The following CCDC33 variants were observed in gnomAD, a reference collection of about 807,000 sequenced individuals.
The protein encoded by CCDC33 is coiled-coil domain containing 33, also known as coiled-coil domain-containing protein 33.
Under a neutral mutation model 91.9 loss-of-function variants are expected in CCDC33, and 94 were observed. The ratio of observed to expected loss-of-function variants is 1.02; its 90% CI spans 0.87 to 1.21. The LOEUF (loss-of-function observed/expected upper bound fraction) is 1.21, where lower values mean the gene tolerates loss of function less well. Ranked by LOEUF, CCDC33 falls within the 50% of genes most tolerant of loss-of-function variation. The pLI, the probability that CCDC33 is intolerant of heterozygous loss-of-function variation, is 0.00. For synonymous variants in CCDC33, 396 were observed against 374.5 expected (o/e 1.06, Z -0.66); for missense variants, 940 against 935.5 (o/e 1.00, Z -0.06).
At position 74,268,476 on chromosome 15, in the gene CCDC33, C is replaced by G; in HGVS notation, c.546+18C>G. 1 of 1,396,458 alleles carries G rather than the reference C, an allele frequency of 7.2e-7. No individual in the cohort carries two copies. The allele number at this position is 1,396,458 out of a possible 1,614,324, so 86.5% of individuals were successfully genotyped here. Reference sequence around the variant, plus strand: ...CTCTGGAGGTACCAGGGCTGGGGCCCTCTGGGGTGGTGGTGGGGGTGGGAA... The same window carrying G: ...CTCTGGAGGTACCAGGGCTGGGGCCGTCTGGGGTGGTGGTGGGGGTGGGAA... On this transcript the variant is annotated intron_variant, in intron 5 of 18. Coordinates refer to ENST00000398814, the MANE Select transcript of CCDC33 (RefSeq NM_025055.5).
At chr15:74,208,607 G>C (rs1343819709) in intron 1 of CCDC33, among the ~76,000 whole-genome samples, 1 of 152,094 alleles carries the variant, frequency 6.6e-6, no homozygotes, top group Non-Finnish European at 1.5e-5. Context: ...TAGCCCCCCA[G>C]TGTCCCCTGA....
Position 74,280,763 on chromosome 15 carries a change from G to A in CCDC33, c.985G>A (p.Gly329Ser). 1 of 1,569,476 alleles carries A rather than the reference G, an allele frequency of 6.4e-7. No homozygotes were observed. Among genetic ancestry groups the A allele is most frequent in the Non-Finnish European group, 8.6e-7 (1 of 1,157,448 alleles). The change falls in exon 9 of 19, where the codon GGC becomes AGC. Residue 329 changes from glycine (G) to serine (S), a missense_variant. Transcript: ENST00000398814. ...GTACCAGAAGATGCTGACAGGGAAA[G>A]GCTTGGACGGGCTTCACGTGGAGCG... ...RLYQKMLTGKGLDGLHVERLP... is the reference protein window; with the variant it reads ...RLYQKMLTGKSLDGLHVERLP...
Position 74,242,738 on chromosome 15 carries a change from G to A in CCDC33, c.22-1247G>A, listed in dbSNP as rs536714261. On this transcript the variant is annotated intron_variant, in intron 1 of 18. Transcript: ENST00000398814. Reference sequence around the variant, plus strand: ...CCAGTGGAGGACCAGGGCCAGGGAGGACAAGGACACCCCTGAGCCACAGCA... The same window carrying A: ...CCAGTGGAGGACCAGGGCCAGGGAGAACAAGGACACCCCTGAGCCACAGCA... Among the ~76,000 whole-genome samples, 7 of 152,024 alleles carry A rather than the reference G, an allele frequency of 4.6e-5. No homozygotes were observed. The South Asian group carries it at 1.5e-3, about 32-fold the overall frequency.
intron 2 of CCDC33, among the ~76,000 whole-genome samples, chr15:74,257,631 C>A (rs939777276): frequency 6.6e-6 from 1 of 152,234 alleles, no homozygotes; most frequent in African/African-American, 2.4e-5. Flanking sequence ...CCAACCCATG[C>A]TCCGAAGTCA....
chr15:74,242,408 G>A (rs765945593), intron 1 of CCDC33, among the ~76,000 whole-genome samples: 29 of 152,198 alleles, frequency 1.9e-4, no homozygotes, highest in Non-Finnish European at 3.4e-4. Context: ...TCCTGTCTGG[G>A]CCTCAATTTC....
intron 14 of CCDC33, 40 bp downstream of exon 14, chr15:74,331,152 T>A (rs772119596): frequency 6.2e-7 from 1 of 1,613,884 alleles, no homozygotes; most frequent in Non-Finnish European, 8.5e-7. Context: ...CAACTGATGA[T>A]GGCAGAGTAG....
In CCDC33 at chr15:74,266,532, C is replaced by T. The variant is rs533135022; in HGVS notation, c.320-146C>T. ...GTGGGTTTGTGTGCACAGGGGTGAT[C>T]CACACATGTGTGTGCATGTTGATTC... On this transcript the variant is annotated intron_variant, in intron 3 of 18. Coordinates refer to ENST00000398814, the MANE Select transcript of CCDC33 (RefSeq NM_025055.5). 41 of 659,784 alleles carry T rather than the reference C, an allele frequency of 6.2e-5. No homozygotes were observed. The South Asian group carries it at 7.0e-4, about 11-fold the overall frequency. The allele number at this position is 659,784 out of a possible 1,614,324, so 40.9% of individuals were successfully genotyped here. A position where few individuals can be genotyped will look rare whatever the true frequency, so the allele number is the denominator to read the frequency against.
chr15:74,220,764 G>A (rs1468124540), intron 2 of CCDC33, among the ~76,000 whole-genome samples: 2 of 152,182 alleles, frequency 1.3e-5, no homozygotes, highest in East Asian at 1.9e-4. Context: ...TCGCTTCCCT[G>A]GGGGAGAGTG....
chr15:74,268,828 G>T (rs73434405), intron 5 of CCDC33, among the ~76,000 whole-genome samples: 35,665 of 152,108 alleles, frequency 0.23, 4,767 homozygotes, highest in South Asian at 0.36. Context: ...TGCTCCCCCT[G>T]AGCCCACAGC....
chr15:74,327,196 T>C (rs1843091), intron 11 of CCDC33, among the ~76,000 whole-genome samples: 101,980 of 151,958 alleles, frequency 0.67, 34,324 homozygotes, highest in Non-Finnish European at 0.71. Flanking sequence ...TGGAGGCCTA[T>C]AGGACTAGTC....
chr15:74,239,191 G>A (rs933172237), intron 1 of CCDC33, among the ~76,000 whole-genome samples: 1 of 152,102 alleles, frequency 6.6e-6, no homozygotes, highest in Non-Finnish European at 1.5e-5. Flanking sequence ...CTTCTAGAGG[G>A]CAGAACTGGG....
upstream of CCDC33, among the ~76,000 whole-genome samples, chr15:74,234,075 T>C (rs1408957244): frequency 6.6e-6 from 1 of 152,182 alleles, no homozygotes. Context: ...GGGCTGACTA[T>C]GAGCCACATC....
At chr15:74,221,240 T>TG in intron 2 of CCDC33, 1 of 935,134 alleles carries the variant, frequency 1.1e-6, no homozygotes, top group Non-Finnish European at 1.3e-6. Flanking sequence ...TTTTTTTTTT[T>TG]TTTCACCAGA....
chr15:74,317,954 G>A (rs190931187), intron 11 of CCDC33, among the ~76,000 whole-genome samples: 4 of 134,654 alleles, frequency 3.0e-5, no homozygotes, highest in African/African-American at 1.1e-4. Context: ...CCATGTCTCC[G>A]CTGAACTAAA....
intron 5 of CCDC33, among the ~76,000 whole-genome samples, chr15:74,269,501 C>T (rs1442644467): frequency 2.0e-5 from 3 of 152,204 alleles, no homozygotes; most frequent in South Asian, 2.1e-4. Flanking sequence ...CTCTGCTCCC[C>T]GCCACCTTCT....
chr15:74,221,320 A>G, intron 2 of CCDC33: 1 of 982,644 alleles, frequency 1.0e-6, no homozygotes, highest in Non-Finnish European at 1.2e-6. Flanking sequence ...GCAATAATCA[A>G]GATGATCCAG....
chr15:74,216,376 A>G (rs1383676723), upstream of CCDC33, among the ~76,000 whole-genome samples: 1 of 151,034 alleles, frequency 6.6e-6, no homozygotes, highest in Admixed American at 6.6e-5. Flanking sequence ...GGGCACACTG[A>G]CACCCAAACA....
chr15:74,331,697 G>A (rs1028477437), intron 15 of CCDC33, among the ~76,000 whole-genome samples: 3 of 152,152 alleles, frequency 2.0e-5, no homozygotes, highest in African/African-American at 7.2e-5. Flanking sequence ...CAAAGATTCT[G>A]CCTCTGCAAA....
At chr15:74,216,243 C>T (rs1156864118), upstream of CCDC33, among the ~76,000 whole-genome samples, 1 of 152,106 alleles carries the variant, frequency 6.6e-6, no homozygotes, top group Admixed American at 6.5e-5. Context: ...TCCAGGTAGT[C>T]TCTGCCACCT....
Sources: allele counts gnomAD v4.1 joint callset (sites outside exome capture counted in the v4.1 genomes callset), GRCh38; gene constraint gnomAD v4.1.1; transcripts MANE v1.5; gene names NCBI Gene and HGNC (gene_info 2026-07-23, HGNC 2026-07-21).